The following UBL3 variants were observed in gnomAD, a reference collection of about 807,000 sequenced individuals.
UBL3 encodes the protein ubiquitin-like protein 3.
In UBL3, 6 loss-of-function variants were observed where a neutral mutation model predicts 18.4. That is an observed-to-expected ratio of 0.33 (90% CI 0.18 to 0.64). The LOEUF is 0.64. Ranked by LOEUF, UBL3 falls within the 30% of genes least tolerant of loss-of-function variation. The pLI, the probability that UBL3 is intolerant of heterozygous loss-of-function variation, is 0.76. For synonymous variants in UBL3, 49 were observed against 46.6 expected, an observed-to-expected ratio of 1.05 and a Z score of -0.21; for missense variants, 109 against 142.9, an observed-to-expected ratio of 0.76 and a Z score of 1.21.
intron 1 of UBL3, among the ~76,000 whole-genome samples, chr13:29,791,148 T>C (rs1489909460): frequency 1.3e-5 from 2 of 152,222 alleles, no homozygotes; most frequent in Non-Finnish European, 2.9e-5. Context: ...CTCAGTCCTT[T>C]AGGCATGAAA....
At chr13:29,837,336 T>C (rs1460765613) in intron 1 of UBL3, among the ~76,000 whole-genome samples, 1 of 152,016 alleles carries the variant, frequency 6.6e-6, no homozygotes, top group Non-Finnish European at 1.5e-5. Context: ...AACATAAGAA[T>C]TTGAATCTAT....
At chr13:29,771,996 T>C (rs2234417) in intron 3 of UBL3, 116 bp downstream of exon 3, 12,689 of 905,194 alleles carry the variant, frequency 0.014, 527 homozygotes, top group East Asian at 0.11. Context: ...ATAGGCAGAA[T>C]TCATAGTTTG....
chr13:29,795,857 A>G (rs1877597026), intron 1 of UBL3, among the ~76,000 whole-genome samples: 1 of 151,334 alleles, frequency 6.6e-6, no homozygotes, highest in Non-Finnish European at 1.5e-5. Flanking sequence ...ACTGGAGCCC[A>G]GAAGTTTGAG....
At chr13:29,773,852 TAGC>T (rs1214376893) in intron 2 of UBL3, among the ~76,000 whole-genome samples, 2 of 152,192 alleles carry the variant, frequency 1.3e-5, no homozygotes, top group South Asian at 2.1e-4. Context: ...TTCCACTAAA[TAGC>T]AGAAGGGTAT....
chr13:29,783,334 T>A (rs1877227261), intron 1 of UBL3, among the ~76,000 whole-genome samples: 1 of 152,228 alleles, frequency 6.6e-6, no homozygotes, highest in Non-Finnish European at 1.5e-5. Context: ...ACGGACTAGG[T>A]TAATAGATAT....
intron 1 of UBL3, among the ~76,000 whole-genome samples, chr13:29,844,574 T>C (rs939870506): frequency 1.3e-5 from 2 of 152,194 alleles, no homozygotes; most frequent in Non-Finnish European, 2.9e-5. Flanking sequence ...TAATCCAACA[T>C]TGTTAGATTG....
chr13:29,821,054 C>T (rs1878421754), intron 1 of UBL3, among the ~76,000 whole-genome samples: 1 of 152,144 alleles, frequency 6.6e-6, no homozygotes. Flanking sequence ...ATAATACCTA[C>T]CTAATAGCAT....
At chr13:29,828,574 C>T (rs747050929) in intron 1 of UBL3, among the ~76,000 whole-genome samples, 1 of 152,106 alleles carries the variant, frequency 6.6e-6, no homozygotes, top group Admixed American at 6.5e-5. Flanking sequence ...GTTAGCCATT[C>T]GTCTAATCTT....
chr13:29,821,102 T>C (rs1433386793), intron 1 of UBL3, among the ~76,000 whole-genome samples: 1 of 152,138 alleles, frequency 6.6e-6, no homozygotes, highest in Non-Finnish European at 1.5e-5. Context: ...GTGTGAAGCA[T>C]AAAACAGTGC....
In UBL3 at chr13:29,767,202, C is replaced by T; in HGVS notation, c.*53G>A. 1 of 1,601,302 alleles carries T rather than the reference C, an allele frequency of 6.2e-7. No individual in the cohort carries two copies. Among genetic ancestry groups the T allele is most frequent in the East Asian group, 2.2e-5 (1 of 44,648 alleles). On this transcript the variant is annotated 3_prime_UTR_variant, in exon 5 of 5. Transcript: ENST00000380680. ...TGAAGCAATGTCGGGTCTTTTCTGTCCCAGCAGCATGAAAGACAAAGACTA... is the reference window on the plus strand; with the variant it reads ...TGAAGCAATGTCGGGTCTTTTCTGTTCCAGCAGCATGAAAGACAAAGACTA...
In UBL3 at chr13:29,849,576, A is replaced by C; in HGVS notation, c.-38T>G. ...TATACACCCAGATGTTTACGAAAAAAACAAACAAAGAAAAAAGAGCAGAAG... is the reference window on the plus strand; with the variant it reads ...TATACACCCAGATGTTTACGAAAAACACAAACAAAGAAAAAAGAGCAGAAG... On this transcript the variant is annotated 5_prime_UTR_variant, in exon 1 of 5. Coordinates refer to ENST00000380680, the MANE Select transcript of UBL3 (RefSeq NM_007106.4). 6.2e-7 allele frequency: 1 copy of C among 1,611,744 alleles called. No homozygotes were observed. The highest frequency in any genetic ancestry group is 1.1e-5 in the South Asian group (1 of 91,022).
intron 1 of UBL3, among the ~76,000 whole-genome samples, chr13:29,781,209 A>T (rs1395899348): frequency 1.3e-5 from 2 of 152,170 alleles, no homozygotes; most frequent in Non-Finnish European, 2.9e-5. Flanking sequence ...TGCTTCTGAC[A>T]GTTTAAAACC....
At chr13:29,812,226 A>G (rs1878108399) in intron 1 of UBL3, among the ~76,000 whole-genome samples, 1 of 152,084 alleles carries the variant, frequency 6.6e-6, no homozygotes, top group African/African-American at 2.4e-5. Flanking sequence ...CACAGGGTTT[A>G]GCCAATTCAA....
intron 1 of UBL3, among the ~76,000 whole-genome samples, chr13:29,798,715 G>C (rs1428374302): frequency 6.6e-6 from 1 of 152,164 alleles, no homozygotes; most frequent in Non-Finnish European, 1.5e-5. Flanking sequence ...CAACAGCACA[G>C]CTATTTCACA....
At chr13:29,802,625 G>A (rs147939081) in intron 1 of UBL3, among the ~76,000 whole-genome samples, 15 of 152,294 alleles carry the variant, frequency 9.8e-5, no homozygotes, top group African/African-American at 3.4e-4. Context: ...TGATCTGATA[G>A]AGGTGAAAAA....
chr13:29,821,233 G>A (rs1256764769), intron 1 of UBL3, among the ~76,000 whole-genome samples: 1 of 152,130 alleles, frequency 6.6e-6, no homozygotes, highest in Admixed American at 6.5e-5. Context: ...AATCTGAGCA[G>A]TGTTTCAATA....
intron 1 of UBL3, among the ~76,000 whole-genome samples, chr13:29,788,066 C>G (rs530314368): frequency 1.3e-5 from 2 of 152,264 alleles, no homozygotes; most frequent in South Asian, 2.1e-4. Flanking sequence ...ACTAGGCACC[C>G]GTTTTCTTTT....
At chr13:29,793,388 C>G (rs1013259693) in intron 1 of UBL3, among the ~76,000 whole-genome samples, 1 of 152,106 alleles carries the variant, frequency 6.6e-6, no homozygotes, top group Non-Finnish European at 1.5e-5. Context: ...GAAAATATCA[C>G]ATATTTTTTG....
At chr13:29,776,500 C>T (rs1593650491) in intron 2 of UBL3, among the ~76,000 whole-genome samples, 2 of 152,048 alleles carry the variant, frequency 1.3e-5, no homozygotes, top group South Asian at 2.1e-4. Flanking sequence ...TAGCTTCAAG[C>T]AATCCTCCTG....
Sources: allele counts gnomAD v4.1 joint callset (sites outside exome capture counted in the v4.1 genomes callset), GRCh38; gene constraint gnomAD v4.1.1; transcripts MANE v1.5; gene names NCBI Gene and HGNC (gene_info 2026-07-23, HGNC 2026-07-21).